LAMA1: variants seen among roughly 807,000 people sequenced by gnomAD.
The protein encoded by LAMA1 is laminin subunit alpha-1.
In LAMA1, 219 loss-of-function variants were observed where a neutral mutation model predicts 348.7. The ratio of observed to expected loss-of-function variants is 0.63; its 90% CI spans 0.56 to 0.70. LAMA1 has a LOEUF of 0.70. Among genes scored for constraint, LAMA1 ranks in the 30% least tolerant of loss-of-function variants. LAMA1 has a pLI of 0.00. For synonymous variants in LAMA1, 1,487 were observed against 1,491.0 expected (o/e 1.00, Z 0.06); for missense variants, 3,744 against 3,888.0 (o/e 0.96, Z 0.99).
At chr18:7,072,685 C>T (rs925971687) in intron 3 of LAMA1, among the ~76,000 whole-genome samples, 1 of 152,162 alleles carries the variant, frequency 6.6e-6, no homozygotes, top group Non-Finnish European at 1.5e-5. Context: ...ATAACAAAAT[C>T]CTGCCCCAGG....
intron 12 of LAMA1, among the ~76,000 whole-genome samples, chr18:7,037,365 A>T (rs192372135): frequency 2.0e-3 from 310 of 152,340 alleles, no homozygotes; most frequent in Non-Finnish European, 3.8e-3. Context: ...ACCAGACCAG[A>T]AGAGCAGAAG....
chr18:6,966,092 T>C (rs2057631683), intron 49 of LAMA1, 55 bp downstream of exon 49: 1 of 1,591,904 alleles, frequency 6.3e-7, no homozygotes, highest in South Asian at 1.1e-5. Flanking sequence ...AACAACCACA[T>C]AGCAATCTAA....
chr18:6,988,010 A>T (rs1164084043), intron 36 of LAMA1, among the ~76,000 whole-genome samples: 1 of 152,176 alleles, frequency 6.6e-6, no homozygotes, highest in Non-Finnish European at 1.5e-5. Context: ...GCTACCCAGG[A>T]GGCTGAGGTG....
chr18:6,974,986 C>T lies in LAMA1; in HGVS notation c.6540G>A (p.Trp2180Ter). The T allele has an allele frequency of 6.2e-7, 1 of 1,614,006 alleles. No individual in the cohort carries two copies. Among genetic ancestry groups the T allele is most frequent in the Non-Finnish European group, 8.5e-7 (1 of 1,180,024 alleles). Reference sequence around the variant, plus strand: ...AGCGTGTGGACCCGGAGCCCAGGTCCCACAGGAAGGCCACTCTCCCTCGCC... The same window carrying T: ...AGCGTGTGGACCCGGAGCCCAGGTCTCACAGGAAGGCCACTCTCCCTCGCC... ...EMRRGRVAFL[W>*]DLGSGSTRLE... is the part of the protein sequence containing the mutation. Residue 2180 changes from tryptophan (W) to a stop codon, truncating the protein, a stop_gained, in exon 46 of 63, where the codon TGG (tryptophan) becomes TGA (stop). Transcript: ENST00000389658. LOFTEE classifies it high-confidence loss of function.
At position 7,042,063 on chromosome 18, in the gene LAMA1, A is replaced by G. The variant is rs528810842; in HGVS notation, c.1261+82T>C. 683 of 905,868 alleles carry G rather than the reference A, an allele frequency of 7.5e-4. 3 individuals are homozygous for G. The highest frequency in any genetic ancestry group is 2.6e-3 in the South Asian group (186 of 71,100). The allele number at this position is 905,868 out of a possible 1,614,324, so 56.1% of individuals were successfully genotyped here. ...TCAATAATCATGTTACCAACTGGCT[A>G]TTACCATTAGTTCCAGTATGTGCAA... On this transcript the variant is annotated intron_variant, in intron 9 of 62. Coordinates refer to ENST00000389658, the MANE Select transcript of LAMA1 (RefSeq NM_005559.4).
intron 48 of LAMA1, among the ~76,000 whole-genome samples, chr18:6,969,594 A>G (rs1027031663): frequency 2.0e-5 from 3 of 152,216 alleles, no homozygotes; most frequent in Non-Finnish European, 4.4e-5. Context: ...GTTGGCCAAT[A>G]TAACAGTGGA....
At chr18:7,021,081 C>CG (rs1321650269) in intron 19 of LAMA1, among the ~76,000 whole-genome samples, 3 of 152,124 alleles carry the variant, frequency 2.0e-5, no homozygotes, top group Admixed American at 1.3e-4. Context: ...GTGTCTACCT[C>CG]GGGCAGGGCC....
rs758095510 is a variant in LAMA1, at chr18:7,050,866, C to T, written c.416G>A (p.Arg139His). 3.0e-5 allele frequency: 49 copies of T among 1,614,050 alleles called. No homozygotes were observed. The highest frequency in any genetic ancestry group is 1.2e-4 in the Admixed American group (7 of 60,004). Reference protein sequence around the residue: ...APRPGNWILERSLDGTTFSPW... With the variant: ...APRPGNWILEHSLDGTTFSPW... ...GCTGAACGTGGTGCCATCCAGAGAACGCTCCAAAATCCAGTTTCCAGGTCG... is the reference window on the plus strand; with the variant it reads ...GCTGAACGTGGTGCCATCCAGAGAATGCTCCAAAATCCAGTTTCCAGGTCG... The change falls in exon 4 of 63, where the codon CGT (arginine) becomes CAT (histidine). Residue 139 changes from arginine to histidine, a missense_variant. By Grantham distance (29) the Arg-to-His change is conservative. Around this residue, in one of 3 missense-constraint regions of LAMA1, gnomAD observed 1,529 missense variants for 1,689.4 expected, o/e 0.91. Coordinates refer to ENST00000389658, the MANE Select transcript of LAMA1 (RefSeq NM_005559.4).
intron 3 of LAMA1, among the ~76,000 whole-genome samples, chr18:7,058,376 G>A (rs2058090615): frequency 6.6e-6 from 1 of 152,142 alleles, no homozygotes; most frequent in African/African-American, 2.4e-5. Context: ...TCCTGAGAGT[G>A]GTAAGTCTGA....
At chr18:7,000,271 A>T (rs968298758) in intron 30 of LAMA1, among the ~76,000 whole-genome samples, 3 of 152,272 alleles carry the variant, frequency 2.0e-5, no homozygotes, top group East Asian at 1.9e-4. Flanking sequence ...CTTAGGGATT[A>T]TCACTAATTG....
chr18:6,976,890 G>A (rs1299070847), intron 44 of LAMA1, among the ~76,000 whole-genome samples: 1 of 152,160 alleles, frequency 6.6e-6, no homozygotes, highest in Non-Finnish European at 1.5e-5. Flanking sequence ...AGTTACGGGT[G>A]TGAGCTACCA....
At chr18:7,104,750 C>T (rs1231793355) in intron 1 of LAMA1, among the ~76,000 whole-genome samples, 1 of 152,226 alleles carries the variant, frequency 6.6e-6, no homozygotes, top group Non-Finnish European at 1.5e-5. Context: ...GAGGGAACTT[C>T]CAATGTCAAC....
chr18:7,115,670 A>T (rs1372421647), intron 1 of LAMA1, among the ~76,000 whole-genome samples: 3 of 138,312 alleles, frequency 2.2e-5, no homozygotes, highest in Admixed American at 7.3e-5. Flanking sequence ...ATCGTTTCTT[A>T]AAAAAAAAAA....
At chr18:6,974,193 T>C (rs1166117828) in intron 46 of LAMA1, among the ~76,000 whole-genome samples, 2 of 152,064 alleles carry the variant, frequency 1.3e-5, no homozygotes. Context: ...TTGTTTCTCC[T>C]GCAGTAAGAA....
At chr18:6,986,752 T>C (rs1263583419) in intron 36 of LAMA1, among the ~76,000 whole-genome samples, 1 of 152,170 alleles carries the variant, frequency 6.6e-6, no homozygotes. Context: ...GTCTTGAAGC[T>C]TTCAAAGCTT....
chr18:7,079,953 C>T (rs761133051), intron 3 of LAMA1, 22 bp downstream of exon 3: 21 of 1,549,098 alleles, frequency 1.4e-5, no homozygotes, highest in Non-Finnish European at 1.9e-5. Flanking sequence ...AGACACTCTT[C>T]AATGGTTCTG....
At position 6,948,502 on chromosome 18, in the gene LAMA1, G is replaced by A. The variant is rs1242283271; in HGVS notation, c.8611C>T (p.Leu2871=). 1 of 1,614,192 alleles carries A rather than the reference G, an allele frequency of 6.2e-7. No individual in the cohort carries two copies. The highest frequency in any genetic ancestry group is 1.3e-5 in the African/African-American group (1 of 75,060). The change falls in exon 60 of 63, where the codon CTG becomes TTG. Residue 2871 remains leucine (L), a synonymous_variant. Coordinates refer to ENST00000389658, the MANE Select transcript of LAMA1 (RefSeq NM_005559.4). ...GCAGACACCGGGCTGTCCTTGTCCA[G>A]CTGTTTGCTGTTAACCGTCACATCC... is the stretch of plus-strand genomic sequence containing the variant. ...IGDVTVNSKQ[L]DKDSPVSAFT...
At chr18:7,062,628 C>T (rs918378923) in intron 3 of LAMA1, among the ~76,000 whole-genome samples, 9 of 152,176 alleles carry the variant, frequency 5.9e-5, no homozygotes, top group African/African-American at 1.2e-4. Context: ...ATAAAAGCAA[C>T]GGGTCTTACA....
intron 1 of LAMA1, among the ~76,000 whole-genome samples, chr18:7,110,018 C>T (rs1385434995): frequency 1.3e-5 from 2 of 152,152 alleles, no homozygotes; most frequent in East Asian, 1.9e-4. Context: ...CCTGTTTCTA[C>T]TAAAATACAA....
Sources: gnomAD v4.1 joint callset for allele counts (sites outside exome capture counted in the v4.1 genomes callset) on GRCh38, gnomAD v4.1.1 for gene constraint, gnomAD v4.1.1 regional missense constraint, MANE v1.5 for transcripts, NCBI Gene and HGNC (gene_info 2026-07-23, HGNC 2026-07-21) for gene names.